The following PHC2 variants were observed in gnomAD, a reference collection of about 807,000 sequenced individuals.
PHC2 encodes polyhomeotic homolog 2.
In PHC2, 29 loss-of-function variants were observed where a neutral mutation model predicts 87.4. The ratio of observed to expected loss-of-function variants is 0.33; its 90% confidence interval spans 0.25 to 0.45. The LOEUF is 0.45. Ranked by LOEUF, PHC2 falls within the 20% of genes least tolerant of loss-of-function variation. The pLI is 1.00. For missense variants in PHC2, 857 were observed against 1,136.7 expected (o/e 0.75, Z 3.54); for synonymous variants, 438 against 461.7 (o/e 0.95, Z 0.66).
intron 9 of PHC2, among the ~76,000 whole-genome samples, chr1:33,348,238 A>G (rs1646882360): frequency 6.6e-6 from 1 of 152,134 alleles, no homozygotes; most frequent in Non-Finnish European, 1.5e-5. Flanking sequence ...AATCCTAATC[A>G]ATAGGGTCTG....
intron 13 of PHC2, 105 bp from the exon 14 acceptor site, chr1:33,329,251 C>T (rs12040040): frequency 0.22 from 253,893 of 1,174,258 alleles, 29,821 homozygotes; most frequent in South Asian, 0.27. Flanking sequence ...TACTACTACA[C>T]ATCTGAGTTC....
chr1:33,357,978 A>G lies in PHC2; in HGVS notation c.977-2725T>C, dbSNP rs528440666. On this transcript the variant is annotated intron_variant, in intron 7 of 14. Transcript: ENST00000683057. ...AAGAGGATCAATGGCATGCCCCACT[A>G]CTTGCTGGCTGTGCGGCCTGAGACA... Among the ~76,000 whole-genome samples the G allele has an allele frequency of 5.9e-5, 9 of 152,260 alleles. No homozygotes were observed. The East Asian group carries it at 9.6e-4, about 16-fold the overall frequency.
chr1:33,411,583 A>G (rs1649984046), intron 1 of PHC2, among the ~76,000 whole-genome samples: 2 of 152,086 alleles, frequency 1.3e-5, no homozygotes, highest in Admixed American at 6.6e-5. Flanking sequence ...TTTTTTTGAG[A>G]CGGAGTCTTG....
At chr1:33,336,885 A>T (rs1646649205) in intron 9 of PHC2, 2 of 152,154 alleles carry the variant, frequency 1.3e-5, no homozygotes, top group African/African-American at 4.8e-5. Context: ...ACGTAGAAAA[A>T]ACCCCTTTCC....
chr1:33,331,363 A>G lies in PHC2; in HGVS notation c.1991T>C (p.Met664Thr). The change falls in exon 12 of 15, where the codon ATG becomes ACG. Residue 664 changes from methionine (M) to threonine (T), a missense_variant. Physicochemically the swap from Met to Thr is moderately conservative, Grantham distance 81. Coordinates refer to ENST00000683057, the MANE Select transcript of PHC2 (RefSeq NM_001385109.1). The surrounding 1 kb of genome is among the most constrained non-coding windows in gnomAD (Gnocchi z 5.2). ...KFKRSKRFCS[M>T]ACAKRYNVGC... ...GGCCACTCACCTCTTTGCACAAGCC[A>G]TGGAACAGAAGCGCTTGGAACGCTT... is the stretch of plus-strand genomic sequence containing the variant. 1.2e-6 allele frequency: 2 copies of G among 1,603,468 alleles called. No individual in the cohort carries two copies. The highest frequency in any genetic ancestry group is 1.7e-6 in the Non-Finnish European group (2 of 1,170,540).
rs1280266614 is a variant in PHC2, at chr1:33,370,984, T to A, written c.411+33A>T. On this transcript the variant is annotated intron_variant, in intron 4 of 14. Coordinates refer to ENST00000683057, the MANE Select transcript of PHC2 (RefSeq NM_001385109.1). ...CTTGGGCATTTTGGTCCTGGGGCTGTGGACTCTGCTGCTGCTCCCCCATTC... is the reference window on the plus strand; with the variant it reads ...CTTGGGCATTTTGGTCCTGGGGCTGAGGACTCTGCTGCTGCTCCCCCATTC... 3 of 1,585,084 alleles carry A rather than the reference T, an allele frequency of 1.9e-6. No individual in the cohort carries two copies. The East Asian group carries it at 6.7e-5, about 35-fold the overall frequency.
intron 1 of PHC2, among the ~76,000 whole-genome samples, chr1:33,398,836 G>C (rs1482527818): frequency 6.6e-6 from 1 of 152,170 alleles, no homozygotes; most frequent in Non-Finnish European, 1.5e-5. Context: ...TCACAACAGA[G>C]GGCACAGTTG....
intron 9 of PHC2, among the ~76,000 whole-genome samples, chr1:33,341,627 G>A (rs924939170): frequency 2.0e-5 from 3 of 152,194 alleles, no homozygotes; most frequent in Non-Finnish European, 2.9e-5. Context: ...TTAATATCAT[G>A]TTACCATGTT....
At position 33,349,763 on chromosome 1, in the gene PHC2, C is replaced by T. The variant is rs1409336730; in HGVS notation, c.1558+4638G>A. 2.0e-6 allele frequency: 2 copies of T among 981,044 alleles called. No homozygotes were observed. The highest frequency in any genetic ancestry group is 1.8e-5 in the African/African-American group (1 of 56,508). The allele number at this position is 981,044 out of a possible 1,614,324, so 60.8% of individuals were successfully genotyped here. A position where few individuals can be genotyped will look rare whatever the true frequency, so the allele number is the denominator to read the frequency against. On this transcript the variant is annotated intron_variant, in intron 9 of 14. Transcript: ENST00000683057. The surrounding 1 kb of genome is among the most constrained non-coding windows in gnomAD (Gnocchi z 4.2). ...GCGCATCCGACCGCACCGGCCTGGC[C>T]GGCGTCAACAAAGGGCGGCCGGGGC...
chr1:33,411,075 T>G (rs1444641158), intron 1 of PHC2, among the ~76,000 whole-genome samples: 2 of 152,210 alleles, frequency 1.3e-5, no homozygotes, highest in African/African-American at 4.8e-5. Context: ...TTTCGATAAT[T>G]ATATGTCTTA....
At chr1:33,414,238 G>A (rs1650115064) in intron 1 of PHC2, among the ~76,000 whole-genome samples, 1 of 150,662 alleles carries the variant, frequency 6.6e-6, no homozygotes, top group South Asian at 2.1e-4. Context: ...TAACAGTTGA[G>A]GTTGATTTAT....
chr1:33,343,316 A>AC, intron 9 of PHC2, among the ~76,000 whole-genome samples: 1 of 149,454 alleles, frequency 6.7e-6, no homozygotes, highest in African/African-American at 2.4e-5. Context: ...CAAAAAAAAA[A>AC]ATAAATAACT....
intron 1 of PHC2, among the ~76,000 whole-genome samples, chr1:33,396,559 G>A (rs972379888): frequency 6.6e-6 from 1 of 152,138 alleles, no homozygotes. Context: ...ATATAAATTA[G>A]CCATTTGGGG....
At chr1:33,341,335 G>A (rs537548187) in intron 9 of PHC2, among the ~76,000 whole-genome samples, 1 of 152,226 alleles carries the variant, frequency 6.6e-6, no homozygotes, top group Non-Finnish European at 1.5e-5. Context: ...CTGATTAGCC[G>A]TGGATAGCAC....
At position 33,331,688 on chromosome 1, in the gene PHC2, C is replaced by T. The variant is rs183244990; in HGVS notation, c.1892-226G>A. The T allele has an allele frequency of 1.5e-5, 7 of 454,426 alleles. No homozygotes were observed. The highest frequency in any genetic ancestry group is 2.3e-5 in the Non-Finnish European group (6 of 256,240). 28.1% of individuals were successfully genotyped at this position (454,426 alleles called of 1,614,324 possible). A position where few individuals can be genotyped will look rare whatever the true frequency, so the allele number is the denominator to read the frequency against. The stretch of plus-strand genomic sequence containing the variant: ...GTAGACTTGACATTTTTTTCTTCCA[C>T]GTGGTCTGAGTCTGAGGCAAAACAC... On this transcript the variant is annotated intron_variant, in intron 11 of 14. Transcript: ENST00000683057. The surrounding 1 kb of genome is among the most constrained non-coding windows in gnomAD (Gnocchi z 5.2).
intron 1 of PHC2, among the ~76,000 whole-genome samples, chr1:33,385,115 G>A (rs556394778): frequency 2.0e-5 from 3 of 152,188 alleles, no homozygotes; most frequent in Non-Finnish European, 2.9e-5. Flanking sequence ...TGAAAGATGA[G>A]TGGTGTTGAA....
chr1:33,328,816 C>A (rs1013586388), intron 14 of PHC2, 54 bp downstream of exon 14: 2 of 1,533,764 alleles, frequency 1.3e-6, no homozygotes, highest in East Asian at 4.5e-5. Flanking sequence ...GAGGGTCTCT[C>A]ATTTTCTCTT....
chr1:33,349,710 C>G lies in PHC2; in HGVS notation c.1558+4691G>C, dbSNP rs1646923314. The stretch of plus-strand genomic sequence containing the variant: ...GGGCCGCCTCCTCTCCGCCGGGAGC[C>G]TCCGAGCCGGGGCCCGGGGCTGCCG... On this transcript the variant is annotated intron_variant, in intron 9 of 14. Coordinates refer to ENST00000683057, the MANE Select transcript of PHC2 (RefSeq NM_001385109.1). The surrounding 1 kb of genome is among the most constrained non-coding windows in gnomAD (Gnocchi z 4.2). 1 of 993,822 alleles carries G rather than the reference C, an allele frequency of 1.0e-6. No homozygotes were observed. The highest frequency in any genetic ancestry group is 5.6e-5 in the Admixed American group (1 of 17,880). 61.6% of individuals were successfully genotyped at this position (993,822 alleles called of 1,614,324 possible).
At chr1:33,421,157 C>T (rs1046150651) in intron 1 of PHC2, among the ~76,000 whole-genome samples, 4 of 152,212 alleles carry the variant, frequency 2.6e-5, no homozygotes, top group African/African-American at 4.8e-5. Context: ...TCTTTATTGT[C>T]AGGAGCTATT....
Sources: gnomAD v4.1 joint callset for allele counts (sites outside exome capture counted in the v4.1 genomes callset) on GRCh38, gnomAD v4.1.1 for gene constraint, Gnocchi (gnomAD v3.1) non-coding constraint, MANE v1.5 for transcripts, NCBI Gene and HGNC (gene_info 2026-07-23, HGNC 2026-07-21) for gene names.